Variants in AGO3 observed in about 807,000 individuals in gnomAD.
AGO3 encodes the protein protein argonaute-3.
In AGO3, 16 loss-of-function variants were observed where a neutral mutation model predicts 105.5. That is an observed-to-expected ratio of 0.15 (90% CI 0.10 to 0.23). The LOEUF (loss-of-function observed/expected upper bound fraction) is 0.23, where lower values mean the gene tolerates loss of function less well. AGO3 is among the 10% of genes least tolerant of loss of function. The pLI is 1.00. For missense variants in AGO3, 534 were observed against 1,088.0 expected (o/e 0.49, Z 7.16); for synonymous variants, 340 against 367.3 (o/e 0.93, Z 0.85).
intron 12 of AGO3, among the ~76,000 whole-genome samples, chr1:36,032,735 A>G (rs896925701): frequency 8.6e-5 from 13 of 151,876 alleles, no homozygotes; most frequent in African/African-American, 3.1e-4. Flanking sequence ...CACACCTGTA[A>G]TCCCAGCACT....
At chr1:35,942,998 T>A (rs1032772740) in intron 1 of AGO3, among the ~76,000 whole-genome samples, 1 of 152,060 alleles carries the variant, frequency 6.6e-6, no homozygotes, top group Non-Finnish European at 1.5e-5. Flanking sequence ...TGTCATTCTG[T>A]GACTGGTTTT....
At chr1:35,963,279 A>T (rs1646711510) in intron 2 of AGO3, among the ~76,000 whole-genome samples, 1 of 152,200 alleles carries the variant, frequency 6.6e-6, no homozygotes, top group Non-Finnish European at 1.5e-5. Context: ...CATGTGGAGT[A>T]CTTTGCATCA....
intron 12 of AGO3, among the ~76,000 whole-genome samples, chr1:36,033,930 A>C (rs772995107): frequency 1.6e-4 from 25 of 152,200 alleles, no homozygotes; most frequent in Non-Finnish European, 7.3e-5. Context: ...CTATGGCAAA[A>C]ATATACCTTT....
At chr1:35,985,081 T>TG (rs1474043242) in intron 5 of AGO3, among the ~76,000 whole-genome samples, 1 of 152,022 alleles carries the variant, frequency 6.6e-6, no homozygotes, top group East Asian at 1.9e-4. Flanking sequence ...TGCTTGAGCC[T>TG]GGGAGTTCTG....
Position 36,057,768 on chromosome 1 carries a change from G to A in AGO3, c.*2023G>A, listed in dbSNP as rs1235088423. 4 of 152,188 alleles carry A rather than the reference G, an allele frequency of 2.6e-5. No individual in the cohort carries two copies. The highest frequency in any genetic ancestry group is 1.9e-4 in the East Asian group (1 of 5,198). 9.4% of individuals were successfully genotyped at this position (152,188 alleles called of 1,614,324 possible). Reference sequence around the variant, plus strand: ...GAGACAGGTATATCACCGGAGCTCAGGAGTTTGAGACCAGCCTGGCCAACG... The same window carrying A: ...GAGACAGGTATATCACCGGAGCTCAAGAGTTTGAGACCAGCCTGGCCAACG... On this transcript the variant is annotated 3_prime_UTR_variant, in exon 19 of 19. Coordinates refer to ENST00000373191, the MANE Select transcript of AGO3 (RefSeq NM_024852.4).
At chr1:36,001,939 A>T (rs1640103778) in intron 5 of AGO3, among the ~76,000 whole-genome samples, 1 of 152,202 alleles carries the variant, frequency 6.6e-6, no homozygotes, top group African/African-American at 2.4e-5. Context: ...TGTAATAAAG[A>T]AGTAAAAAAC....
At chr1:36,029,466 C>T (rs934718758) in intron 12 of AGO3, among the ~76,000 whole-genome samples, 3 of 147,850 alleles carry the variant, frequency 2.0e-5, no homozygotes, top group Non-Finnish European at 3.0e-5. Context: ...GCGATCTCGG[C>T]TCACTGCAAG....
intron 12 of AGO3, among the ~76,000 whole-genome samples, chr1:36,028,208 A>AT (rs1484775227): frequency 6.6e-6 from 1 of 151,548 alleles, no homozygotes; most frequent in Admixed American, 6.6e-5. Context: ...CACTGGACTA[A>AT]TTTTTTATTT....
At chr1:35,932,450 A>G (rs1266620509) in intron 1 of AGO3, among the ~76,000 whole-genome samples, 2 of 152,218 alleles carry the variant, frequency 1.3e-5, no homozygotes. Context: ...ACGTAAAAGA[A>G]ACCAGTGACA....
chr1:36,043,459 G>A lies in AGO3; in HGVS notation c.2185G>A (p.Gly729Ser). Residue 729 changes from glycine to serine, a missense_variant, in exon 17 of 19, where the codon GGC (glycine) becomes AGC (serine). Gly to Ser is a moderately conservative substitution (Grantham distance 56). This residue lies in a region of AGO3 where 373 missense variants were observed against 854.0 expected (regional missense o/e 0.44). Coordinates refer to ENST00000373191, the MANE Select transcript of AGO3 (RefSeq NM_024852.4). ...CAAACAAATCTAGGTTGGAAGAAGTGGCAATATCCCAGCTGGAACAACAGT... is the reference window on the plus strand; with the variant it reads ...CAAACAAATCTAGGTTGGAAGAAGTAGCAATATCCCAGCTGGAACAACAGT... ...ADRTERVGRS[G>S]NIPAGTTVDT... 6.2e-7 allele frequency: 1 copy of A among 1,613,012 alleles called. No homozygotes were observed. Among genetic ancestry groups the A allele is most frequent in the Non-Finnish European group, 8.5e-7 (1 of 1,179,664 alleles).
At chr1:36,011,688 T>C (rs1319378684) in intron 9 of AGO3, among the ~76,000 whole-genome samples, 1 of 152,222 alleles carries the variant, frequency 6.6e-6, no homozygotes, top group Non-Finnish European at 1.5e-5. Flanking sequence ...TTATTATATT[T>C]ATAGTATCTG....
chr1:35,944,831 C>T (rs1488052000), intron 1 of AGO3, among the ~76,000 whole-genome samples: 1 of 151,742 alleles, frequency 6.6e-6, no homozygotes, highest in South Asian at 2.1e-4. Context: ...TTTTTTGTTA[C>T]GGGGTCTCAC....
rs1643132664 is a variant in AGO3 at position 36,069,344 on chromosome 1, T to C, written c.*13599T>C. ...ATCTCTAACTCCTGAGCTCAAGCAG[T>C]CCTCCTGCCTCAGCCACCCAAAGTG... On this transcript the variant is annotated 3_prime_UTR_variant, in exon 19 of 19. Coordinates refer to ENST00000373191, the MANE Select transcript of AGO3 (RefSeq NM_024852.4). 6.6e-6 allele frequency: 1 copy of C among 152,226 alleles called. No homozygotes were observed. Among genetic ancestry groups the C allele is most frequent in the Admixed American group, 6.5e-5 (1 of 15,272 alleles). 9.4% of individuals were successfully genotyped at this position (152,226 alleles called of 1,614,324 possible).
intron 12 of AGO3, among the ~76,000 whole-genome samples, chr1:36,028,990 T>A (rs1641642715): frequency 6.6e-6 from 1 of 152,168 alleles, no homozygotes. Context: ...CTCTTTCTGG[T>A]TTTAATTGAG....
chr1:36,034,761 T>C (rs765497914), intron 13 of AGO3, among the ~76,000 whole-genome samples: 1 of 152,220 alleles, frequency 6.6e-6, no homozygotes, highest in African/African-American at 2.4e-5. Context: ...ATCTTCAACC[T>C]GGTTTCATGA....
chr1:36,035,681 A>C (rs774060897), intron 13 of AGO3, among the ~76,000 whole-genome samples: 1 of 152,212 alleles, frequency 6.6e-6, no homozygotes, highest in Non-Finnish European at 1.5e-5. Context: ...TGTTAATATT[A>C]ATACAGCCCT....
In AGO3 at chr1:36,043,516, G is replaced by T; in HGVS notation, c.2242G>T (p.Asp748Tyr). 6.2e-7 allele frequency: 1 copy of T among 1,613,336 alleles called. No homozygotes were observed. Residue 748 changes from aspartate to tyrosine, a missense_variant, in exon 17 of 19, where the codon GAT becomes TAT. Physicochemically the swap from Asp to Tyr is radical, Grantham distance 160. This residue lies in a region of AGO3 where 373 missense variants were observed against 854.0 expected (regional missense o/e 0.44). Transcript: ENST00000373191. ...DTDITHPYEF[D>Y]FYLCSHAGIQ... ...AGACATTACACACCCATATGAGTTCGATTTTTACCTCTGTAGCCATGCTGG... is the reference window on the plus strand; with the variant it reads ...AGACATTACACACCCATATGAGTTCTATTTTTACCTCTGTAGCCATGCTGG...
In AGO3 at chr1:35,931,116, G is replaced by T. The variant is rs1190283270; in HGVS notation, c.-311G>T. 5.1e-6 allele frequency: 2 copies of T among 395,446 alleles called. No homozygotes were observed. The highest frequency in any genetic ancestry group is 4.1e-5 in the African/African-American group (2 of 48,396). 24.5% of individuals were successfully genotyped at this position (395,446 alleles called of 1,614,324 possible). A position where few individuals can be genotyped will look rare whatever the true frequency, so the allele number is the denominator to read the frequency against. On this transcript the variant is annotated 5_prime_UTR_variant, in exon 1 of 19. Transcript: ENST00000373191. ...GGGCGGCCCCGGGCAGGTCGGCGGC[G>T]GCGGCCCGCAGTCGTGGAGGAGCGG...
rs1007868295 is a variant in AGO3 at position 36,058,171 on chromosome 1, T to C, written c.*2426T>C. 2 of 152,146 alleles carry C rather than the reference T, an allele frequency of 1.3e-5. No homozygotes were observed. The highest frequency in any genetic ancestry group is 2.9e-5 in the Non-Finnish European group (2 of 68,018). 9.4% of individuals were successfully genotyped at this position (152,146 alleles called of 1,614,324 possible). On this transcript the variant is annotated 3_prime_UTR_variant, in exon 19 of 19. Transcript: ENST00000373191. ...CATTTACTAAAATGAATCAGGAAAA[T>C]GCAAGATGATATTTTAAAACTTTTG... is the stretch of plus-strand genomic sequence containing the variant.
Sources: gnomAD v4.1 joint callset for allele counts (sites outside exome capture counted in the v4.1 genomes callset) on GRCh38, gnomAD v4.1.1 for gene constraint, gnomAD v4.1.1 regional missense constraint, MANE v1.5 for transcripts, NCBI Gene and HGNC (gene_info 2026-07-23, HGNC 2026-07-21) for gene names.